The following STPG2 variants were observed in gnomAD, a reference collection of about 807,000 sequenced individuals.
The protein encoded by STPG2 is sperm tail PG-rich repeat containing 2.
In STPG2, 56 loss-of-function variants were observed where a neutral mutation model predicts 54.2. The observed-to-expected ratio is 1.03, with a 90% confidence interval of 0.83 to 1.29. The LOEUF is 1.29. Among genes scored for constraint, STPG2 ranks in the 50% most tolerant of loss-of-function variants. STPG2 has a pLI of 0.00. For missense variants in STPG2, 596 were observed against 544.9 expected, an observed-to-expected ratio of 1.09 and a Z score of -0.93; for synonymous variants, 200 against 181.8, an observed-to-expected ratio of 1.10 and a Z score of -0.81.
intron 8 of STPG2, among the ~76,000 whole-genome samples, chr4:97,923,742 C>A (rs1732223242): frequency 1.3e-5 from 2 of 151,732 alleles, no homozygotes; most frequent in African/African-American, 4.8e-5. Context: ...TGTAAATGCA[C>A]CAATCAGCAC....
At chr4:97,669,772 C>T (rs866552128) in intron 10 of STPG2, among the ~76,000 whole-genome samples, 851 of 26,330 alleles carry the variant, frequency 0.032, 318 homozygotes, top group African/African-American at 0.17. Context: ...GTCCGCAGTC[C>T]GGCCTGGGCA....
At chr4:97,891,757 A>C (rs1283290365) in intron 8 of STPG2, among the ~76,000 whole-genome samples, 4 of 152,150 alleles carry the variant, frequency 2.6e-5, no homozygotes, top group Non-Finnish European at 1.5e-5. Flanking sequence ...GAAGAGGATG[A>C]ATTTTCTGGA....
chr4:97,583,978 TAG>T (rs1287245506), intron 10 of STPG2, among the ~76,000 whole-genome samples: 1 of 151,680 alleles, frequency 6.6e-6, no homozygotes, highest in Non-Finnish European at 1.5e-5. Flanking sequence ...GTTATCAAGA[TAG>T]AGTGTCAACA....
intron 10 of STPG2, among the ~76,000 whole-genome samples, chr4:97,588,695 C>A (rs541392531): frequency 8.6e-5 from 13 of 151,978 alleles, no homozygotes; most frequent in Non-Finnish European, 1.9e-4. Context: ...ACAGGGATAT[C>A]CCTTTTGACT....
chr4:97,936,544 C>T (rs1193716399), intron 8 of STPG2, among the ~76,000 whole-genome samples: 1 of 152,108 alleles, frequency 6.6e-6, no homozygotes, highest in Non-Finnish European at 1.5e-5. Flanking sequence ...TTCAGTGCTT[C>T]CTTCAGGAGA....
Position 97,564,363 on chromosome 4 carries a change from C to G in STPG2, c.1321-5246G>C, listed in dbSNP as rs544340100. Among the ~76,000 whole-genome samples, 569 of 152,260 alleles carry G rather than the reference C, an allele frequency of 3.7e-3. 4 individuals are homozygous for G. The highest frequency in any genetic ancestry group is 0.013 in the African/African-American group (558 of 41,544). Reference sequence around the variant, plus strand: ...AGATGGGTTTCCTGAATACAGCACACTGATGGGTCTTGACTCTTTATCCAA... The same window carrying G: ...AGATGGGTTTCCTGAATACAGCACAGTGATGGGTCTTGACTCTTTATCCAA... On this transcript the variant is annotated intron_variant, in intron 10 of 10. Coordinates refer to ENST00000295268, the MANE Select transcript of STPG2 (RefSeq NM_174952.3).
intron 8 of STPG2, among the ~76,000 whole-genome samples, chr4:97,849,900 A>T (rs1204810297): frequency 4.6e-5 from 7 of 152,074 alleles, no homozygotes; most frequent in Non-Finnish European, 7.4e-5. Context: ...ATACCATTTG[A>T]CCCAGCCATC....
At chr4:97,866,479 T>C (rs942486690) in intron 8 of STPG2, among the ~76,000 whole-genome samples, 3 of 151,774 alleles carry the variant, frequency 2.0e-5, no homozygotes, top group Non-Finnish European at 2.9e-5. Flanking sequence ...TAATGAAGTA[T>C]ATTATTTAGT....
chr4:97,644,223 T>C (rs1560700650), intron 10 of STPG2, among the ~76,000 whole-genome samples: 1 of 151,928 alleles, frequency 6.6e-6, no homozygotes, highest in Admixed American at 6.6e-5. Flanking sequence ...GAGTGACATA[T>C]TTCTTTTGAC....
At chr4:97,488,254 A>G (rs1208642093) in intron 4 of STPG2, among the ~76,000 whole-genome samples, 1 of 151,714 alleles carries the variant, frequency 6.6e-6, no homozygotes, top group Non-Finnish European at 1.5e-5. Context: ...TGAATGTATA[A>G]TAATAACAAT....
intron 10 of STPG2, among the ~76,000 whole-genome samples, chr4:97,694,674 G>T (rs72892881): frequency 0.11 from 16,553 of 151,112 alleles, 2,632 homozygotes; most frequent in African/African-American, 0.35. Context: ...TTAGCTGAGT[G>T]TGGTGGCAGG....
intron 9 of STPG2, among the ~76,000 whole-genome samples, chr4:97,723,964 C>A (rs1049541692): frequency 6.6e-6 from 1 of 152,162 alleles, no homozygotes; most frequent in Admixed American, 6.5e-5. Flanking sequence ...GGACACAGAG[C>A]CAAACCATAT....
intron 5 of STPG2, among the ~76,000 whole-genome samples, chr4:98,103,933 T>A (rs1339872581): frequency 1.3e-5 from 2 of 152,138 alleles, no homozygotes; most frequent in African/African-American, 4.8e-5. Context: ...TAATTTCTAT[T>A]ACAAATTCTA....
In STPG2 at chr4:97,567,472, C is replaced by T. The variant is rs1732484074; in HGVS notation, c.1321-8355G>A. 2.0e-5 allele frequency among the ~76,000 whole-genome samples: 3 copies of T among 149,848 alleles called. No homozygotes were observed. The South Asian group carries it at 6.3e-4, about 31-fold the overall frequency. The stretch of plus-strand genomic sequence containing the variant: ...TGTATATATATATATTCCCTTTCTC[C>T]CCTCTCCCCATAATCTGACTTTCAG... On this transcript the variant is annotated intron_variant, in intron 10 of 10. Transcript: ENST00000295268.
intron 9 of STPG2, among the ~76,000 whole-genome samples, chr4:97,833,822 G>T (rs1003866680): frequency 6.6e-6 from 1 of 152,040 alleles, no homozygotes; most frequent in Non-Finnish European, 1.5e-5. Flanking sequence ...ACCATCTCAC[G>T]CCAGTTAGAA....
At chr4:97,961,672 T>C (rs774539930) in intron 7 of STPG2, among the ~76,000 whole-genome samples, 1 of 152,098 alleles carries the variant, frequency 6.6e-6, no homozygotes. Context: ...ACCTTACTCC[T>C]GCAAGAATGG....
rs117638714 is a variant in STPG2, at chr4:97,690,345, C to T, written c.1320+22354G>A. Among the ~76,000 whole-genome samples the T allele has an allele frequency of 9.5e-4, 145 of 152,198 alleles. 1 individual carries two copies. In the East Asian group the frequency reaches 0.026, roughly 27 times the overall value. On this transcript the variant is annotated intron_variant, in intron 10 of 10. Transcript: ENST00000295268. ...CCAGGACACAAAATGGACTATGTTA[C>T]AAAACTGTAGGCCACTGACAACAGG...
chr4:97,872,333 G>A (rs1730019702), intron 8 of STPG2, among the ~76,000 whole-genome samples: 1 of 151,122 alleles, frequency 6.6e-6, no homozygotes, highest in Non-Finnish European at 1.5e-5. Context: ...CATTTTTAAA[G>A]AAGTAACACT....
intron 9 of STPG2, among the ~76,000 whole-genome samples, chr4:97,773,650 TCA>T (rs1726284094): frequency 6.6e-6 from 1 of 152,070 alleles, no homozygotes; most frequent in Non-Finnish European, 1.5e-5. Context: ...GCAAAAATAG[TCA>T]CATTTTATCC....
Sources: allele counts gnomAD v4.1 joint callset (sites outside exome capture counted in the v4.1 genomes callset), GRCh38; gene constraint gnomAD v4.1.1; transcripts MANE v1.5; gene names NCBI Gene and HGNC (gene_info 2026-07-23, HGNC 2026-07-21).